Variants in PCDHA6 observed in about 807,000 individuals in gnomAD.
PCDHA6 encodes the protein protocadherin alpha-6.
Under a neutral mutation model 60.3 loss-of-function variants are expected in PCDHA6, and 55 were observed. The observed-to-expected ratio is 0.91, with a 90% CI of 0.73 to 1.14. The LOEUF is 1.14. Among genes scored for constraint, PCDHA6 ranks in the 50% most tolerant of loss-of-function variants. The probability of loss-of-function intolerance (pLI) is 0.00; values close to 1 mark genes in which losing one functional copy is unlikely to be tolerated. For missense variants in PCDHA6, 1,327 were observed against 1,256.5 expected, an observed-to-expected ratio of 1.06 and a Z score of -0.85; for synonymous variants, 652 against 557.9, an observed-to-expected ratio of 1.17 and a Z score of -2.38.
chr5:140,975,623 A>G (rs2096675265), intron 1 of PCDHA6, among the ~76,000 whole-genome samples: 1 of 152,244 alleles, frequency 6.6e-6, no homozygotes, highest in Admixed American at 6.5e-5. Flanking sequence ...ATGGATTTCC[A>G]TGGTACGAAG....
intron 1 of PCDHA6, chr5:140,841,821 T>G: frequency 6.2e-7 from 1 of 1,613,940 alleles, no homozygotes; most frequent in Non-Finnish European, 8.5e-7. Context: ...GCTAACTCCG[T>G]GTTAACCTAC....
chr5:140,904,738 A>T (rs1373664313), intron 1 of PCDHA6, among the ~76,000 whole-genome samples: 1 of 152,012 alleles, frequency 6.6e-6, no homozygotes, highest in African/African-American at 2.4e-5. Context: ...TTATTTTTTT[A>T]TTATGACCAT....
In PCDHA6 at chr5:140,982,645, G is replaced by A. The variant is rs2096993238; in HGVS notation, c.2542+82G>A. 3.3e-6 allele frequency: 5 copies of A among 1,522,444 alleles called. No homozygotes were observed. In the East Asian group the frequency reaches 1.2e-4, roughly 36 times the overall value. 94.3% of individuals were successfully genotyped at this position (1,522,444 alleles called of 1,614,324 possible). A position where few individuals can be genotyped will look rare whatever the true frequency, so the allele number is the denominator to read the frequency against. On this transcript the variant is annotated intron_variant, in intron 3 of 3. Transcript: ENST00000529310. ...CTACTTTTGTAAGATCAGGAATGTT[G>A]ATGGCTCTTTTTCTTTTATATTTTT...
chr5:140,927,918 CCTGA>C, intron 1 of PCDHA6: 1 of 1,614,220 alleles, frequency 6.2e-7, no homozygotes, highest in Non-Finnish European at 8.5e-7. Context: ...AACTGGACTT[CCTGA>C]CTCTTTCGAA....
At chr5:140,882,944 G>A (rs2059374287) in intron 1 of PCDHA6, 2 of 1,614,088 alleles carry the variant, frequency 1.2e-6, no homozygotes, top group Non-Finnish European at 8.5e-7. Flanking sequence ...GACTGGCACA[G>A]TTCAGCTGCT....
chr5:140,932,704 A>G (rs1365268266), intron 1 of PCDHA6, among the ~76,000 whole-genome samples: 1 of 151,932 alleles, frequency 6.6e-6, no homozygotes, highest in Non-Finnish European at 1.5e-5. Context: ...ACTCATATAG[A>G]CAACACAATA....
chr5:140,862,824 G>A, intron 1 of PCDHA6: 1 of 571,890 alleles, frequency 1.7e-6, no homozygotes, highest in Non-Finnish European at 3.4e-6. Context: ...AGGTGAGAGC[G>A]CGCGACGCGG....
chr5:140,969,389 A>G (rs1554231753), intron 1 of PCDHA6: 8 of 1,592,478 alleles, frequency 5.0e-6, no homozygotes, highest in Admixed American at 1.8e-5. Context: ...ACATCCCCCA[A>G]TATCCTGTGA....
Position 140,856,075 on chromosome 5 carries a change from G to T in PCDHA6, c.2394+25590G>T. 2 of 1,593,334 alleles carry T rather than the reference G, an allele frequency of 1.3e-6. 1 individual carries two copies. The highest frequency in any genetic ancestry group is 1.7e-6 in the Non-Finnish European group (2 of 1,164,466). Reference sequence around the variant, plus strand: ...TGGTTTCCAGATGTAGCTGCCTGGGGGTCCAGTGTCTGCTGCTCTCGCTTC... The same window carrying T: ...TGGTTTCCAGATGTAGCTGCCTGGGTGTCCAGTGTCTGCTGCTCTCGCTTC... On this transcript the variant is annotated intron_variant, in intron 1 of 3. Transcript: ENST00000529310.
chr5:140,905,162 G>A (rs2071641359), intron 1 of PCDHA6, among the ~76,000 whole-genome samples: 1 of 152,118 alleles, frequency 6.6e-6, no homozygotes, highest in African/African-American at 2.4e-5. Flanking sequence ...GAATTTTCAT[G>A]GTTTCAGGTT....
Position 140,848,427 on chromosome 5 carries a change from A to G in PCDHA6, c.2394+17942A>G, listed in dbSNP as rs1781513413. The G allele has an allele frequency of 2.1e-6, 3 of 1,451,764 alleles. No homozygotes were observed. In the African/African-American group the frequency reaches 4.2e-5, roughly 20 times the overall value. The allele number at this position is 1,451,764 out of a possible 1,614,324, so 89.9% of individuals were successfully genotyped here. A position where few individuals can be genotyped will look rare whatever the true frequency, so the allele number is the denominator to read the frequency against. The stretch of plus-strand genomic sequence containing the variant: ...TGGCGAACACAGCAGAATGGGACTG[A>G]CGAAATCAGATGATTTCTTCTAATT... On this transcript the variant is annotated intron_variant, in intron 1 of 3. Coordinates refer to ENST00000529310, the MANE Select transcript of PCDHA6 (RefSeq NM_018909.4).
At chr5:140,972,306 GT>G (rs2096530781) in intron 1 of PCDHA6, among the ~76,000 whole-genome samples, 1 of 150,488 alleles carries the variant, frequency 6.6e-6, no homozygotes, top group South Asian at 2.1e-4. Flanking sequence ...TGTCTGACTA[GT>G]TTTTAGGTGT....
intron 1 of PCDHA6, chr5:140,842,764 C>A (rs1554139348): frequency 3.1e-6 from 5 of 1,594,666 alleles, no homozygotes; most frequent in Non-Finnish European, 4.3e-6. Flanking sequence ...CTGCGCGAGA[C>A]GCGGACGCGC....
Position 140,848,795 on chromosome 5 carries a change from G to A in PCDHA6, c.2394+18310G>A. 3 of 1,592,816 alleles carry A rather than the reference G, an allele frequency of 1.9e-6. 1 individual carries two copies. Among genetic ancestry groups the A allele is most frequent in the Non-Finnish European group, 2.6e-6 (3 of 1,163,690 alleles). On this transcript the variant is annotated intron_variant, in intron 1 of 3. Transcript: ENST00000529310. ...GCGAGGAGCTGTGCGGGCGGAGCGC[G>A]GAGTGCAGCATCCACCTGGAGGTGA...
chr5:140,884,323 C>G (rs1554181434), intron 1 of PCDHA6: 10 of 1,613,816 alleles, frequency 6.2e-6, no homozygotes, highest in Non-Finnish European at 8.5e-6. Context: ...CGTCGGCAGG[C>G]GCTGTGGGTC....
intron 1 of PCDHA6, chr5:140,836,622 A>AGCTGGTCATTCTCCCAGCAGAGGCG (rs2150266108): frequency 1.2e-6 from 2 of 1,613,448 alleles, no homozygotes; most frequent in Non-Finnish European, 1.7e-6. Context: ...CGCGGTGGGG[A>AGCTGGTCATTCTCCCAGCAGAGGCG]GCTGGTCATT....
At chr5:140,879,190 C>T (rs2057894732) in intron 1 of PCDHA6, among the ~76,000 whole-genome samples, 1 of 152,052 alleles carries the variant, frequency 6.6e-6, no homozygotes. Context: ...GTAATGGAGA[C>T]TTAAATTATG....
At position 140,969,018 on chromosome 5, in the gene PCDHA6, G is replaced by A. The variant is rs143196630; in HGVS notation, c.2395-9931G>A. On this transcript the variant is annotated intron_variant, in intron 1 of 3. Transcript: ENST00000529310. ...GGAGGCTTCTGTGGAGTAAGGGAAA[G>A]GTCCCCTGCAGAACTGTACAAACAA... 33 of 1,614,058 alleles carry A rather than the reference G, an allele frequency of 2.0e-5. 1 individual carries two copies. In the Middle Eastern group the frequency reaches 4.9e-4, roughly 24 times the overall value.
chr5:140,883,507 G>T (rs782325165), intron 1 of PCDHA6: 1 of 1,614,200 alleles, frequency 6.2e-7, no homozygotes, highest in South Asian at 1.1e-5. Flanking sequence ...ACAGCGCCCT[G>T]GACCGCGAGA....
Sources: allele counts gnomAD v4.1 joint callset (sites outside exome capture counted in the v4.1 genomes callset), GRCh38; gene constraint gnomAD v4.1.1; transcripts MANE v1.5; gene names NCBI Gene and HGNC (gene_info 2026-07-23, HGNC 2026-07-21).